Variants in PKHD1L1 observed in about 807,000 individuals in gnomAD.
PKHD1L1 encodes fibrocystin-L.
A neutral mutation model predicts 462.9 loss-of-function variants in PKHD1L1; 434 were observed. That is an observed-to-expected ratio of 0.94 (90% CI 0.87 to 1.02). PKHD1L1 has a LOEUF of 1.02. PKHD1L1 is among the 50% of genes least tolerant of loss of function. The pLI, the probability that PKHD1L1 is intolerant of heterozygous loss-of-function variation, is 0.00. For synonymous variants in PKHD1L1, 1,781 were observed against 1,750.0 expected (o/e 1.02, Z -0.44); for missense variants, 5,202 against 5,096.1 (o/e 1.02, Z -0.63).
At chr8:109,397,521 A>C (rs544522875) in intron 11 of PKHD1L1, among the ~76,000 whole-genome samples, 24 of 145,916 alleles carry the variant, frequency 1.6e-4, no homozygotes, top group African/African-American at 4.9e-4. Flanking sequence ...CAAAAAAAGA[A>C]AGAAAAAAAA....
Position 109,427,118 on chromosome 8 carries a change from A to G in PKHD1L1, c.2962A>G (p.Lys988Glu), listed in dbSNP as rs1814796745. 6.2e-7 allele frequency: 1 copy of G among 1,613,830 alleles called. No individual in the cohort carries two copies. Among genetic ancestry groups the G allele is most frequent in the Non-Finnish European group, 8.5e-7 (1 of 1,179,848 alleles). Residue 988 changes from lysine to glutamate, a missense_variant, in exon 25 of 78, where the codon AAA becomes GAA. By Grantham distance (56) the Lys-to-Glu change is moderately conservative. This residue lies in a region of PKHD1L1 where 4,497 missense variants were observed against 4,336.8 expected (regional missense o/e 1.04). Coordinates refer to ENST00000378402, the MANE Select transcript of PKHD1L1 (RefSeq NM_177531.6). ...GTCAGYAWNI[K>E]WRSTCGKQNL... ...CTGTGCTGGCTACGCGTGGAACATCAAATGGAGAAGCACCTGCGGAAAGCA... is the reference window on the plus strand; with the variant it reads ...CTGTGCTGGCTACGCGTGGAACATCGAATGGAGAAGCACCTGCGGAAAGCA...
At chr8:109,369,853 CA>C (rs1426269449) in intron 2 of PKHD1L1, among the ~76,000 whole-genome samples, 2 of 152,110 alleles carry the variant, frequency 1.3e-5, no homozygotes, top group Non-Finnish European at 2.9e-5. Context: ...TTTCTAGATT[CA>C]AAATTGCAAA....
chr8:109,507,569 T>G (rs1819752083), intron 68 of PKHD1L1, 94 bp from the exon 69 acceptor site: 1 of 1,044,116 alleles, frequency 9.6e-7, no homozygotes. Flanking sequence ...ATTCAATAGA[T>G]CAATTTTTTT....
chr8:109,519,452 G>T (rs895430438), intron 73 of PKHD1L1, among the ~76,000 whole-genome samples: 2 of 152,146 alleles, frequency 1.3e-5, no homozygotes, highest in East Asian at 3.9e-4. Context: ...TACAGAGTGG[G>T]TCATCTTCTC....
In PKHD1L1 at chr8:109,435,219, G is replaced by A. The variant is rs1231039147; in HGVS notation, c.3370G>A (p.Gly1124Arg). Reference protein sequence around the residue: ...EKELKCQILNGSAGHAPVAVS... With the variant: ...EKELKCQILNRSAGHAPVAVS... ...AGAGCTCAAGTGCCAGATTCTGAATGGAAGTGCTGGACATGCCCCCGTTGC... is the reference window on the plus strand; with the variant it reads ...AGAGCTCAAGTGCCAGATTCTGAATAGAAGTGCTGGACATGCCCCCGTTGC... The change falls in exon 29 of 78, where the codon GGA becomes AGA. Residue 1124 changes from glycine to arginine, a missense_variant. Gly to Arg is a moderately radical substitution (Grantham distance 125). This residue lies in a region of PKHD1L1 where 4,497 missense variants were observed against 4,336.8 expected (regional missense o/e 1.04). Coordinates refer to ENST00000378402, the MANE Select transcript of PKHD1L1 (RefSeq NM_177531.6). The A allele has an allele frequency of 1.9e-6, 3 of 1,613,462 alleles. No individual in the cohort carries two copies. Among genetic ancestry groups the A allele is most frequent in the East Asian group, 2.2e-5 (1 of 44,890 alleles).
intron 59 of PKHD1L1, among the ~76,000 whole-genome samples, chr8:109,489,230 T>C (rs1309123021): frequency 6.6e-6 from 1 of 151,970 alleles, no homozygotes; most frequent in Non-Finnish European, 1.5e-5. Flanking sequence ...CAAATAATAT[T>C]CTCTTTTGTT....
rs375867622 is a variant in PKHD1L1, at chr8:109,522,846, C to A, written c.12286C>A (p.Gln4096Lys). Residue 4096 changes from glutamine to lysine, a missense_variant, in exon 75 of 78, where the codon CAG becomes AAG. By Grantham distance (53) the Gln-to-Lys change is moderately conservative (BLOSUM62 1). Transcript: ENST00000378402. ...ITQPVAAQPG[Q>K]PFPQQPSVKA... is the part of the protein sequence containing the mutation. ...TCAGCCGGTGGCAGCACAGCCAGGA[C>A]AGCCATTTCCTCAGCAGCCTTCGGT... is the stretch of plus-strand genomic sequence containing the variant. The A allele has an allele frequency of 1.2e-6, 2 of 1,611,666 alleles. No homozygotes were observed. The highest frequency in any genetic ancestry group is 3.4e-5 in the Admixed American group (2 of 59,344).
rs759721150 is a variant in PKHD1L1, at chr8:109,461,780, G to C, written c.7255G>C (p.Ala2419Pro). Residue 2419 changes from alanine to proline, a missense_variant, in exon 48 of 78, where the codon GCT becomes CCT. Around this residue, in one of 3 missense-constraint regions of PKHD1L1, gnomAD observed 4,497 missense variants for 4,336.8 expected, o/e 1.04. Transcript: ENST00000378402. ...TAAAAACTGTTTTGAAGGAGAATTTGCTACACAGACCTGTCTCCAAGGAAA... is the reference window on the plus strand; with the variant it reads ...TAAAAACTGTTTTGAAGGAGAATTTCCTACACAGACCTGTCTCCAAGGAAA... ...CPDGFDTGEF[A>P]TQTCLQGKFG... The C allele has an allele frequency of 1.2e-6, 2 of 1,607,322 alleles. No individual in the cohort carries two copies. The highest frequency in any genetic ancestry group is 1.7e-6 in the Non-Finnish European group (2 of 1,176,950).
In PKHD1L1 at chr8:109,531,814, C is replaced by T. The variant is rs1320758479; in HGVS notation, c.*1724C>T. On this transcript the variant is annotated 3_prime_UTR_variant, in exon 78 of 78. Coordinates refer to ENST00000378402, the MANE Select transcript of PKHD1L1 (RefSeq NM_177531.6). ...AGGTAACAGAGCACTTTTATACTCC[C>T]CTCAGTTCCAACCCTGGTGGGGTGA... 6.6e-6 allele frequency among the ~76,000 whole-genome samples: 1 copy of T among 152,042 alleles called. No homozygotes were observed. The highest frequency in any genetic ancestry group is 1.5e-5 in the Non-Finnish European group (1 of 68,004).
intron 38 of PKHD1L1, 95 bp downstream of exon 38, chr8:109,445,740 T>A (rs1816101709): frequency 3.1e-6 from 4 of 1,292,800 alleles, no homozygotes; most frequent in Non-Finnish European, 4.2e-6. Flanking sequence ...ACTATTAAGG[T>A]GTGTTTATAA....
At chr8:109,520,294 G>T (rs957867410) in intron 73 of PKHD1L1, among the ~76,000 whole-genome samples, 1 of 151,996 alleles carries the variant, frequency 6.6e-6, no homozygotes, top group Non-Finnish European at 1.5e-5. Context: ...GTTGTAAAGG[G>T]CCCATGGCAC....
intron 2 of PKHD1L1, among the ~76,000 whole-genome samples, chr8:109,366,332 A>C (rs567294937): frequency 6.6e-6 from 1 of 152,356 alleles, no homozygotes; most frequent in Non-Finnish European, 1.5e-5. Flanking sequence ...CCTTGCCTTA[A>C]CTACATTTTA....
At chr8:109,429,541 G>A in intron 26 of PKHD1L1, 79 bp downstream of exon 26, 1 of 1,340,718 alleles carries the variant, frequency 7.5e-7, no homozygotes, top group Non-Finnish European at 1.0e-6. Flanking sequence ...AAGACCTGGT[G>A]AAACAGGAGG....
At chr8:109,394,924 C>T (rs1256698269) in intron 10 of PKHD1L1, among the ~76,000 whole-genome samples, 2 of 152,180 alleles carry the variant, frequency 1.3e-5, no homozygotes, top group Admixed American at 1.3e-4. Flanking sequence ...CTTAGCTTTC[C>T]TTAAACGTGC....
intron 33 of PKHD1L1, 96 bp from the exon 34 acceptor site, chr8:109,441,179 G>C: frequency 1.2e-6 from 1 of 823,842 alleles, no homozygotes. Context: ...TTAGGGTCTT[G>C]GCTGTTGATG....
intron 70 of PKHD1L1, 144 bp from the exon 71 acceptor site, chr8:109,510,633 C>G (rs1172525251): frequency 3.4e-5 from 35 of 1,040,898 alleles, no homozygotes; most frequent in Non-Finnish European, 4.4e-5. Context: ...GGCTGGGTAA[C>G]GGTGGATGGG....
At chr8:109,527,363 G>A (rs1820871093) in intron 77 of PKHD1L1, among the ~76,000 whole-genome samples, 1 of 152,066 alleles carries the variant, frequency 6.6e-6, no homozygotes, top group African/African-American at 2.4e-5. Context: ...AATTAGCTGG[G>A]CATGGTGGTG....
intron 56 of PKHD1L1, among the ~76,000 whole-genome samples, chr8:109,481,770 C>T (rs1159053419): frequency 6.6e-5 from 10 of 151,742 alleles, no homozygotes; most frequent in Non-Finnish European, 1.5e-4. Context: ...AATAACCTCA[C>T]ATTTCACCAG....
At chr8:109,520,616 A>T (rs968529650) in intron 73 of PKHD1L1, among the ~76,000 whole-genome samples, 5 of 152,152 alleles carry the variant, frequency 3.3e-5, no homozygotes, top group Admixed American at 1.3e-4. Context: ...GGAGAACCCT[A>T]CAACTTGGTG....
Sources: allele counts gnomAD v4.1 joint callset (sites outside exome capture counted in the v4.1 genomes callset), GRCh38; gene constraint gnomAD v4.1.1; regional missense constraint gnomAD v4.1.1; transcripts MANE v1.5; gene names NCBI Gene and HGNC (gene_info 2026-07-23, HGNC 2026-07-21).